Variants in GSDME observed in about 807,000 individuals in gnomAD.
GSDME encodes gasdermin-E.
GSDME carries 44 observed loss-of-function variants against 47.5 expected under a neutral mutation model. The observed-to-expected ratio is 0.93, with a 90% confidence interval of 0.73 to 1.19. The LOEUF is 1.19. Ranked by LOEUF, GSDME falls within the 50% of genes most tolerant of loss-of-function variation. The pLI, the probability that GSDME is intolerant of heterozygous loss-of-function variation, is 0.00. For missense variants in GSDME, 663 were observed against 604.2 expected, an observed-to-expected ratio of 1.10 and a Z score of -1.02; for synonymous variants, 258 against 252.8, an observed-to-expected ratio of 1.02 and a Z score of -0.20.
intron 9 of GSDME, among the ~76,000 whole-genome samples, chr7:24,701,953 C>G (rs1788886181): frequency 1.3e-5 from 2 of 152,228 alleles, no homozygotes; most frequent in African/African-American, 4.8e-5. Flanking sequence ...TCTAGGCAGT[C>G]TGCCCCAATA....
the GSDME span, among the ~76,000 whole-genome samples, chr7:24,787,178 C>T: frequency 2.6e-5 from 4 of 152,162 alleles, no homozygotes; most frequent in Non-Finnish European, 5.9e-5. The surrounding 1 kb of genome is among the most constrained non-coding windows in gnomAD (Gnocchi z 5.0). Context: ...TGGGCAGCAG[C>T]GTTGTGGCTT....
Position 24,751,380 on chromosome 7 carries a change from G to A in GSDME, c.-19-1587C>T, listed in dbSNP as rs370249157. Among the ~76,000 whole-genome samples, 14 of 152,294 alleles carry A rather than the reference G, an allele frequency of 9.2e-5. 1 individual carries two copies. Among genetic ancestry groups the A allele is most frequent in the Admixed American group, 7.2e-4 (11 of 15,304 alleles). ...TTTTTATTTTTGCTTGCACCCTGGC[G>A]CTTGGCACAGTTGCACAGTCACACA... On this transcript the variant is annotated intron_variant, in intron 1 of 9. Coordinates refer to ENST00000645220, the MANE Select transcript of GSDME (RefSeq NM_001127453.2).
chr7:24,764,671 T>A, the GSDME span, among the ~76,000 whole-genome samples: 1 of 152,036 alleles, frequency 6.6e-6, no homozygotes, highest in Non-Finnish European at 1.5e-5. The surrounding 1 kb of genome is among the most constrained non-coding windows in gnomAD (Gnocchi z 4.4). Flanking sequence ...GATTTTGGAG[T>A]TGGTGCAAAT....
the GSDME span, among the ~76,000 whole-genome samples, chr7:24,769,648 T>C: frequency 6.6e-6 from 1 of 152,118 alleles, no homozygotes; most frequent in South Asian, 2.1e-4. Flanking sequence ...CCTATACCTC[T>C]CCACCACATC....
chr7:24,698,912 T>G lies in GSDME; in HGVS notation c.*114A>C, dbSNP rs1441355643. 4 of 822,778 alleles carry G rather than the reference T, an allele frequency of 4.9e-6. No homozygotes were observed. Among genetic ancestry groups the G allele is most frequent in the Non-Finnish European group, 8.2e-6 (4 of 486,254 alleles). 51.0% of individuals were successfully genotyped at this position (822,778 alleles called of 1,614,324 possible). A position where few individuals can be genotyped will look rare whatever the true frequency, so the allele number is the denominator to read the frequency against. ...TCATCATGCAAAATGTCACCACTTC[T>G]TAAACTGTTCTGTAAATTCATTTCA... On this transcript the variant is annotated 3_prime_UTR_variant, in exon 10 of 10. Coordinates refer to ENST00000645220, the MANE Select transcript of GSDME (RefSeq NM_001127453.2).
the GSDME span, among the ~76,000 whole-genome samples, chr7:24,788,771 C>A: frequency 1.3e-5 from 2 of 152,062 alleles, no homozygotes; most frequent in Non-Finnish European, 2.9e-5. The surrounding 1 kb of genome is among the most constrained non-coding windows in gnomAD (Gnocchi z 4.6). Flanking sequence ...TAAAATATTC[C>A]GAGGCTGCCT....
the GSDME span, among the ~76,000 whole-genome samples, chr7:24,766,002 C>T: frequency 6.6e-6 from 1 of 152,122 alleles, no homozygotes; most frequent in Non-Finnish European, 1.5e-5. This position sits in a 1 kb window ranked among gnomAD's most constrained non-coding sequence, Gnocchi z 4.2. Context: ...CTGGGGAAGA[C>T]ATCAAACATT....
intron 3 of GSDME, among the ~76,000 whole-genome samples, chr7:24,731,662 A>G (rs1189724306): frequency 6.6e-6 from 1 of 152,236 alleles, no homozygotes; most frequent in Non-Finnish European, 1.5e-5. Flanking sequence ...AGTTACAACT[A>G]ATGAGAACTT....
intron 3 of GSDME, among the ~76,000 whole-genome samples, chr7:24,738,238 C>G (rs1790370558): frequency 6.6e-6 from 1 of 152,020 alleles, no homozygotes; most frequent in Non-Finnish European, 1.5e-5. Flanking sequence ...AAAGACTCCA[C>G]CAAAAAACTA....
chr7:24,781,267 A>G, the GSDME span, among the ~76,000 whole-genome samples: 1 of 152,166 alleles, frequency 6.6e-6, no homozygotes, highest in African/African-American at 2.4e-5. Context: ...AAGGGGAAGC[A>G]GATGTGGGAG....
chr7:24,727,285 A>G (rs1292011656), intron 3 of GSDME, among the ~76,000 whole-genome samples: 1 of 152,196 alleles, frequency 6.6e-6, no homozygotes, highest in Non-Finnish European at 1.5e-5. Flanking sequence ...TGACTCTGAG[A>G]CCAGTGTGCT....
Position 24,725,373 on chromosome 7 carries a change from A to G in GSDME, c.405-6155T>C, listed in dbSNP as rs926708139. Among the ~76,000 whole-genome samples the G allele has an allele frequency of 6.6e-6, 1 of 152,158 alleles. No individual in the cohort carries two copies. Among genetic ancestry groups the G allele is most frequent in the Non-Finnish European group, 1.5e-5 (1 of 68,032 alleles). On this transcript the variant is annotated intron_variant, in intron 3 of 9. Transcript: ENST00000645220. The surrounding 1 kb of genome is among the most constrained non-coding windows in gnomAD (Gnocchi z 5.1). ...GACCCCTTTCCAGGGTGGTCAAAGA[A>G]ATGGCCAGAATTTTCAGGATGCTTT...
chr7:24,766,183 TTGTG>T, the GSDME span, among the ~76,000 whole-genome samples: 74 of 144,610 alleles, frequency 5.1e-4, no homozygotes, highest in Middle Eastern at 3.6e-3. The surrounding 1 kb of genome is among the most constrained non-coding windows in gnomAD (Gnocchi z 4.2). Context: ...ATTACATTAT[TTGTG>T]TGTGTGTGTG....
intron 2 of GSDME, 137 bp downstream of exon 2, chr7:24,749,427 G>T: frequency 1.3e-6 from 1 of 743,474 alleles, no homozygotes; most frequent in Admixed American, 2.2e-5. Flanking sequence ...ACCTGAACCT[G>T]GGAGGCAGAG....
chr7:24,787,729 C>T, the GSDME span, among the ~76,000 whole-genome samples: 124 of 151,812 alleles, frequency 8.2e-4, no homozygotes, highest in East Asian at 0.021. The surrounding 1 kb of genome is among the most constrained non-coding windows in gnomAD (Gnocchi z 5.0). Context: ...GTTTTTGAGA[C>T]AGAGTCTCGC....
chr7:24,708,357 A>C (rs998549194), intron 6 of GSDME, 103 bp from the exon 7 acceptor site: 3 of 1,368,346 alleles, frequency 2.2e-6, no homozygotes, highest in African/African-American at 2.9e-5. Flanking sequence ...CAGTTCTTTC[A>C]TGGATATTCC....
At chr7:24,782,148 T>C in the GSDME span, among the ~76,000 whole-genome samples, 2 of 152,128 alleles carry the variant, frequency 1.3e-5, no homozygotes, top group African/African-American at 2.4e-5. Context: ...ACATGTGCCA[T>C]GTTGGTGTGC....
the GSDME span, among the ~76,000 whole-genome samples, chr7:24,787,670 C>G: frequency 6.6e-6 from 1 of 152,054 alleles, no homozygotes; most frequent in African/African-American, 2.4e-5. The surrounding 1 kb of genome is among the most constrained non-coding windows in gnomAD (Gnocchi z 5.0). Context: ...CATGGAGAAC[C>G]AAAGAGGTTT....
the GSDME span, among the ~76,000 whole-genome samples, chr7:24,776,073 G>A: frequency 9.3e-5 from 14 of 151,028 alleles, no homozygotes; most frequent in African/African-American, 1.7e-4. Context: ...CCAGCTACTC[G>A]GAAGGCTGAG....
Sources: gnomAD v4.1 joint callset for allele counts (sites outside exome capture counted in the v4.1 genomes callset) on GRCh38, gnomAD v4.1.1 for gene constraint, Gnocchi (gnomAD v3.1) non-coding constraint, MANE v1.5 for transcripts, NCBI Gene and HGNC (gene_info 2026-07-23, HGNC 2026-07-21) for gene names.